Variants in PTK6 observed in about 807,000 individuals in gnomAD.
The protein encoded by PTK6 is protein tyrosine kinase 6.
PTK6 carries 47 observed loss-of-function variants against 47.5 expected under a neutral mutation model. The ratio of observed to expected loss-of-function variants is 0.99; its 90% CI spans 0.78 to 1.26. The LOEUF (loss-of-function observed/expected upper bound fraction) is 1.26. PTK6 is among the 50% of genes most tolerant of loss of function. PTK6 has a pLI of 0.00. For synonymous variants in PTK6, 287 were observed against 276.5 expected (o/e 1.04, Z -0.38); for missense variants, 618 against 625.3 (o/e 0.99, Z 0.12).
chr20:63,531,122 A>G lies in PTK6; in HGVS notation c.833-195T>C, dbSNP rs186561909. Reference sequence around the variant, plus strand: ...CCGCCCTTCTGGAAGGCAACTGTTTATCACGAACCAAGGAGCAAGCTGGGC... The same window carrying G: ...CCGCCCTTCTGGAAGGCAACTGTTTGTCACGAACCAAGGAGCAAGCTGGGC... On this transcript the variant is annotated intron_variant, in intron 5 of 7. Transcript: ENST00000542869. Among the ~76,000 whole-genome samples the G allele has an allele frequency of 5.7e-3, 863 of 152,284 alleles. 16 individuals are homozygous for G. The highest frequency in any genetic ancestry group is 0.02 in the African/African-American group (832 of 41,562).
chr20:63,534,992 C>G lies in PTK6; in HGVS notation c.298G>C (p.Gly100Arg). ...RRLQAEGNAT[G>R]AFLIRVSEKP... ...TCGCTGACCCTGATCAGGAAGGCGC[C>G]CGTGGCGTTGCCCTCGGCCTGCAGC... The change falls in exon 2 of 8, where the codon GGC becomes CGC. Residue 100 changes from glycine (G) to arginine (R), a missense_variant. Gly to Arg is a moderately radical substitution (Grantham distance 125, BLOSUM62 -2). Transcript: ENST00000542869. The G allele has an allele frequency of 6.2e-7, 1 of 1,608,778 alleles. No homozygotes were observed. The highest frequency in any genetic ancestry group is 2.2e-5 in the East Asian group (1 of 44,738).
chr20:63,532,295 T>TTG (rs543950802), intron 5 of PTK6, among the ~76,000 whole-genome samples: 6 of 124,746 alleles, frequency 4.8e-5, no homozygotes, highest in African/African-American at 3.5e-4. Context: ...GTGATGTGTC[T>TTG]TGTGTGTGTG....
rs2082610475 is a variant in PTK6 at position 63,530,595 on chromosome 20, G to T, written c.1014+151C>A. ...GAATGGGGGCCCCACCGGACTCACG[G>T]TGGCTTCCCACCTCCCTGCCCAGCC... is the stretch of plus-strand genomic sequence containing the variant. On this transcript the variant is annotated intron_variant, in intron 6 of 7. Transcript: ENST00000542869. This position sits in a 1 kb window ranked among gnomAD's most constrained non-coding sequence, Gnocchi z 4.1. 11 of 1,007,326 alleles carry T rather than the reference G, an allele frequency of 1.1e-5. No individual in the cohort carries two copies. The highest frequency in any genetic ancestry group is 1.6e-5 in the African/African-American group (1 of 60,888). The allele number at this position is 1,007,326 out of a possible 1,614,324, so 62.4% of individuals were successfully genotyped here.
At chr20:63,534,379 C>T in intron 2 of PTK6, 64 bp from the exon 3 acceptor site, 1 of 1,495,580 alleles carries the variant, frequency 6.7e-7, no homozygotes, top group African/African-American at 1.4e-5. Flanking sequence ...GTCCCCAGCC[C>T]TGCTGGCCAC....
chr20:63,529,978 T>C lies in PTK6; in HGVS notation c.1168+100A>G. The C allele has an allele frequency of 3.4e-6, 5 of 1,450,594 alleles. No individual in the cohort carries two copies. The highest frequency in any genetic ancestry group is 4.7e-6 in the Non-Finnish European group (5 of 1,062,620). 89.9% of individuals were successfully genotyped at this position (1,450,594 alleles called of 1,614,324 possible). On this transcript the variant is annotated intron_variant, in intron 7 of 7. Coordinates refer to ENST00000542869, the MANE Select transcript of PTK6 (RefSeq NM_005975.4). The surrounding 1 kb of genome is among the most constrained non-coding windows in gnomAD (Gnocchi z 5.6). ...TCAGGCGATGGCCCGCGGAGGGCCC[T>C]GAAGCCCGTGGGGGAGGCACCCCCC...
intron 1 of PTK6, among the ~76,000 whole-genome samples, chr20:63,536,465 C>G (rs2082668391): frequency 6.6e-6 from 1 of 150,912 alleles, no homozygotes; most frequent in African/African-American, 2.4e-5. Flanking sequence ...CTCACGCACA[C>G]ACACAGTGGG....
chr20:63,530,766 C>T lies in PTK6; in HGVS notation c.994G>A (p.Gly332Arg), dbSNP rs150231299. The T allele has an allele frequency of 3.6e-5, 58 of 1,613,840 alleles. No homozygotes were observed. In the African/African-American group the frequency reaches 5.6e-4, roughly 16 times the overall value. ...CCTACCTTGATAAGCCTGGCTAACCCGAAGTCCCCAACTTTGCAGAGGGTG... is the reference window on the plus strand; with the variant it reads ...CCTACCTTGATAAGCCTGGCTAACCTGAAGTCCCCAACTTTGCAGAGGGTG... The part of the protein sequence containing the change: ...ENTLCKVGDF[G>R]LARLIKEDVY... Residue 332 changes from glycine to arginine, a missense_variant, in exon 6 of 8, where the codon GGG becomes AGG. Coordinates refer to ENST00000542869, the MANE Select transcript of PTK6 (RefSeq NM_005975.4). The surrounding 1 kb of genome is among the most constrained non-coding windows in gnomAD (Gnocchi z 4.1).
chr20:63,535,134 C>A, intron 1 of PTK6, 75 bp from the exon 2 acceptor site: 1 of 1,486,724 alleles, frequency 6.7e-7, no homozygotes, highest in Non-Finnish European at 9.0e-7. Flanking sequence ...CCAGCCTGCC[C>A]GCCTGGAACC....
In PTK6 at chr20:63,534,268, C is replaced by T. The variant is rs772765529; in HGVS notation, c.400G>A (p.Gly134Arg). Residue 134 changes from glycine to arginine, a missense_variant, in exon 3 of 8, where the codon GGG becomes AGG. Gly to Arg is a moderately radical substitution (Grantham distance 125, BLOSUM62 -2). Transcript: ENST00000542869. ...VRHYKIWRRA[G>R]GRLHLNEAVS... ...GCCTCGTTCAGGTGCAGCCGGCCCC[C>T]GGCACGCCGCCAGATCTTGTAGTGC... The T allele has an allele frequency of 1.4e-5, 22 of 1,608,488 alleles. No homozygotes were observed. Among genetic ancestry groups the T allele is most frequent in the South Asian group, 7.8e-5 (7 of 90,150 alleles).
At chr20:63,536,788 C>T (rs1009185230) in intron 1 of PTK6, among the ~76,000 whole-genome samples, 2 of 152,220 alleles carry the variant, frequency 1.3e-5, no homozygotes, top group South Asian at 4.1e-4. Flanking sequence ...CTCCCTGGGT[C>T]CCGGCAATGC....
rs963248320 is a variant in PTK6, at chr20:63,534,076, C to A, written c.516+76G>T. On this transcript the variant is annotated intron_variant, in intron 3 of 7. Coordinates refer to ENST00000542869, the MANE Select transcript of PTK6 (RefSeq NM_005975.4). The stretch of plus-strand genomic sequence containing the variant: ...GACCCCTCCCATGCTGCCCGGCCAA[C>A]CTCTCCCAGTAGGAAATGCCAGCCT... The A allele has an allele frequency of 6.2e-6, 9 of 1,461,002 alleles. No homozygotes were observed. The African/African-American group carries it at 1.1e-4, about 18-fold the overall frequency. The allele number at this position is 1,461,002 out of a possible 1,614,324, so 90.5% of individuals were successfully genotyped here.
rs983978794 is a variant in PTK6 at position 63,529,822 on chromosome 20, G to T, written c.1169-99C>A. Reference sequence around the variant, plus strand: ...ACTGCCCCTTCCTGGGGCCTTCCCCGCAGCCTCAGCTGCCATGCCTTGGCG... The same window carrying T: ...ACTGCCCCTTCCTGGGGCCTTCCCCTCAGCCTCAGCTGCCATGCCTTGGCG... On this transcript the variant is annotated intron_variant, in intron 7 of 7. Transcript: ENST00000542869. The surrounding 1 kb of genome is among the most constrained non-coding windows in gnomAD (Gnocchi z 5.6). The T allele has an allele frequency of 2.3e-6, 3 of 1,317,652 alleles. No homozygotes were observed. In the African/African-American group the frequency reaches 4.5e-5, roughly 20 times the overall value. The allele number at this position is 1,317,652 out of a possible 1,614,324, so 81.6% of individuals were successfully genotyped here. A position where few individuals can be genotyped will look rare whatever the true frequency, so the allele number is the denominator to read the frequency against.
chr20:63,536,856 AC>A (rs1001738101), intron 1 of PTK6, among the ~76,000 whole-genome samples: 2 of 152,074 alleles, frequency 1.3e-5, no homozygotes, highest in Admixed American at 6.5e-5. Context: ...GTGCCCTCTG[AC>A]CCCCGTGCTC....
At position 63,529,222 on chromosome 20, in the gene PTK6, C is replaced by T. The variant is rs146263123; in HGVS notation, c.*314G>A. On this transcript the variant is annotated 3_prime_UTR_variant, in exon 8 of 8. Coordinates refer to ENST00000542869, the MANE Select transcript of PTK6 (RefSeq NM_005975.4). The surrounding 1 kb of genome is among the most constrained non-coding windows in gnomAD (Gnocchi z 5.6). ...GCCTCCCACCCTCAGCCGGGCACTGCAGACAGACAGCCAGAGAGCGGGCTG... is the reference window on the plus strand; with the variant it reads ...GCCTCCCACCCTCAGCCGGGCACTGTAGACAGACAGCCAGAGAGCGGGCTG... The T allele has an allele frequency of 5.8e-4, 143 of 246,504 alleles. 2 individuals are homozygous for T. The East Asian group carries it at 0.011, about 19-fold the overall frequency. The allele number at this position is 246,504 out of a possible 1,614,324, so 15.3% of individuals were successfully genotyped here.
Position 63,529,720 on chromosome 20 carries a change from A to G in PTK6, c.1172T>C (p.Met391Thr). Residue 391 changes from methionine (M) to threonine (T), a missense_variant, in exon 8 of 8, where the codon ATG (methionine) becomes ACG (threonine). Met to Thr is a moderately conservative substitution (Grantham distance 81). Coordinates refer to ENST00000542869, the MANE Select transcript of PTK6 (RefSeq NM_005975.4). The surrounding 1 kb of genome is among the most constrained non-coding windows in gnomAD (Gnocchi z 5.6). Reference sequence around the variant, plus strand: ...CCTCAGGAAGGCCTCATGGTTGGACATGCCTGCGGCCGACAGGGATGAGAA... The same window carrying G: ...CCTCAGGAAGGCCTCATGGTTGGACGTGCCTGCGGCCGACAGGGATGAGAA... ...FSRGQVPYPGMSNHEAFLRVD... is the reference protein window; with the variant it reads ...FSRGQVPYPGTSNHEAFLRVD... 1 of 1,540,330 alleles carries G rather than the reference A, an allele frequency of 6.5e-7. No homozygotes were observed.
intron 3 of PTK6, 147 bp downstream of exon 3, chr20:63,534,005 C>CA (rs1007010257): frequency 1.6e-6 from 2 of 1,224,906 alleles, no homozygotes; most frequent in Non-Finnish European, 2.2e-6. Flanking sequence ...CTGTGCTCTG[C>CA]AGAACCATGG....
At chr20:63,536,385 G>A (rs747001399) in intron 1 of PTK6, among the ~76,000 whole-genome samples, 4 of 148,650 alleles carry the variant, frequency 2.7e-5, no homozygotes, top group South Asian at 2.2e-4. Flanking sequence ...GCCCCTGCCC[G>A]ACGGCCTCTT....
intron 5 of PTK6, 66 bp downstream of exon 5, chr20:63,532,460 G>A: frequency 6.7e-7 from 1 of 1,502,074 alleles, no homozygotes; most frequent in East Asian, 2.3e-5. Flanking sequence ...TGGGGGGGGG[G>A]TGTGCACTTT....
intron 1 of PTK6, among the ~76,000 whole-genome samples, chr20:63,536,875 C>T (rs186791437): frequency 2.0e-5 from 3 of 152,372 alleles, no homozygotes; most frequent in Non-Finnish European, 4.4e-5. Context: ...CTCCAACTCC[C>T]GCAGGGACAG....
Sources: gnomAD v4.1 joint callset for allele counts (sites outside exome capture counted in the v4.1 genomes callset) on GRCh38, gnomAD v4.1.1 for gene constraint, Gnocchi (gnomAD v3.1) non-coding constraint, MANE v1.5 for transcripts, NCBI Gene and HGNC (gene_info 2026-07-23, HGNC 2026-07-21) for gene names.